Variants in NKAIN3 observed in about 807,000 individuals in gnomAD.
The protein encoded by NKAIN3 is sodium/potassium-transporting ATPase subunit beta-1-interacting protein 3.
A neutral mutation model predicts 30.2 loss-of-function variants in NKAIN3; 25 were observed. That is an observed-to-expected ratio of 0.83 (90% CI 0.60 to 1.16). The LOEUF is 1.16. Ranked by LOEUF, NKAIN3 falls within the 50% of genes most tolerant of loss-of-function variation. NKAIN3 has a pLI of 0.00. For missense variants in NKAIN3, 225 were observed against 254.1 expected (o/e 0.89, Z 0.78); for synonymous variants, 91 against 89.6 (o/e 1.02, Z -0.09).
rs1408449793 is a variant in NKAIN3 at position 62,590,094 on chromosome 8, C to T, written c.273+300C>T. On this transcript the variant is annotated intron_variant, in intron 3 of 6. Transcript: ENST00000623646. ...ATGTCCATTTTAAAAAGACATAATA[C>T]CATAGTGACTGCAGGCCTAAATATT... Among the ~76,000 whole-genome samples, 3 of 151,502 alleles carry T rather than the reference C, an allele frequency of 2.0e-5. No individual in the cohort carries two copies. In the South Asian group the frequency reaches 6.2e-4, roughly 31 times the overall value.
Position 62,579,535 on chromosome 8 carries a change from G to T in NKAIN3, c.55-4G>T, listed in dbSNP as rs1461231514. The T allele has an allele frequency of 1.3e-6, 2 of 1,592,908 alleles. No homozygotes were observed. Among genetic ancestry groups the T allele is most frequent in the Admixed American group, 1.8e-5 (1 of 55,352 alleles). ...TGCTAATGAACTTTCTTTTTTTGTT[G>T]TAGGTCTCAGCATTAGAGAGGCAGA... On this transcript the variant is annotated splice_polypyrimidine_tract_variant and splice_region_variant and intron_variant, in intron 1 of 6. Transcript: ENST00000623646.
chr8:62,980,118 A>C lies in NKAIN3; in HGVS notation c.*14711A>C, dbSNP rs1824041171. ...ACCTTCTTTCTTTACTCTTGGTTTA[A>C]ATGTAATCCCACATGCCCTAGACAA... On this transcript the variant is annotated 3_prime_UTR_variant, in exon 7 of 7. Coordinates refer to ENST00000623646, the MANE Select transcript of NKAIN3 (RefSeq NM_001304533.3). The C allele has an allele frequency of 6.6e-6, 1 of 152,186 alleles. No individual in the cohort carries two copies. The highest frequency in any genetic ancestry group is 2.4e-5 in the African/African-American group (1 of 41,454). The allele number at this position is 152,186 out of a possible 1,614,324, so 9.4% of individuals were successfully genotyped here.
At chr8:62,719,157 T>C (rs1408039886) in intron 3 of NKAIN3, among the ~76,000 whole-genome samples, 1 of 152,164 alleles carries the variant, frequency 6.6e-6, no homozygotes, top group East Asian at 1.9e-4. Context: ...AAACTCTCTT[T>C]ACAAAGCAGG....
At chr8:62,888,935 A>G (rs544250210) in intron 4 of NKAIN3, among the ~76,000 whole-genome samples, 91 of 152,246 alleles carry the variant, frequency 6.0e-4, no homozygotes, top group African/African-American at 2.1e-3. Flanking sequence ...CCTTTTGTTG[A>G]ACTGATTTGA....
intron 5 of NKAIN3, among the ~76,000 whole-genome samples, chr8:62,933,380 G>C (rs943556481): frequency 3.9e-5 from 6 of 152,096 alleles, no homozygotes; most frequent in Admixed American, 1.3e-4. Context: ...TTTGTTACTT[G>C]ATTTAAAGAG....
At chr8:62,570,859 C>T (rs1007338388) in intron 1 of NKAIN3, among the ~76,000 whole-genome samples, 2 of 152,066 alleles carry the variant, frequency 1.3e-5, no homozygotes, top group African/African-American at 4.8e-5. Context: ...CAGGTAGACA[C>T]AATGAAAAAG....
chr8:62,979,836 TG>T lies in NKAIN3; in HGVS notation c.*14430del, dbSNP rs368942147. The T allele has an allele frequency of 5.5e-4, 84 of 152,362 alleles. No individual in the cohort carries two copies. The highest frequency in any genetic ancestry group is 1.9e-3 in the South Asian group (9 of 4,828). 9.4% of individuals were successfully genotyped at this position (152,362 alleles called of 1,614,324 possible). A position where few individuals can be genotyped will look rare whatever the true frequency, so the allele number is the denominator to read the frequency against. On this transcript the variant is annotated 3_prime_UTR_variant, in exon 7 of 7. Transcript: ENST00000623646. ...ATTCAATGCCTTTTTTGCCTGCGTT[TG>T]TTTGGACCCTGCTAATCAAGGCTAC...
chr8:62,472,941 C>T (rs1354576890), intron 1 of NKAIN3, among the ~76,000 whole-genome samples: 4 of 152,104 alleles, frequency 2.6e-5, no homozygotes, highest in Non-Finnish European at 4.4e-5. Flanking sequence ...CCAACACAAA[C>T]TCTTCTGTCT....
In NKAIN3 at chr8:62,826,803, CAG is replaced by C. The variant is rs369472607; in HGVS notation, c.471+79677_471+79678del. Among the ~76,000 whole-genome samples, 386 of 152,290 alleles carry C rather than the reference CAG, an allele frequency of 2.5e-3. 2 individuals carry two copies. The highest frequency in any genetic ancestry group is 9.0e-3 in the African/African-American group (374 of 41,572). ...TCTCCTTGTACTGTAGCTAGGAAAA[CAG>C]AGGAAGTGTAAGAACTTAAACAGCT... On this transcript the variant is annotated intron_variant, in intron 4 of 6. Transcript: ENST00000623646.
intron 3 of NKAIN3, among the ~76,000 whole-genome samples, chr8:62,708,934 G>A (rs1398493616): frequency 2.0e-5 from 3 of 152,090 alleles, no homozygotes; most frequent in Admixed American, 6.5e-5. Context: ...ATCATAAAGG[G>A]ATGCTGGATT....
chr8:62,859,485 T>A (rs577953430), intron 4 of NKAIN3, among the ~76,000 whole-genome samples: 5 of 44,320 alleles, frequency 1.1e-4, no homozygotes, highest in Non-Finnish European at 3.1e-4. Context: ...CCCAGATAAC[T>A]TTTTCTATAC....
chr8:62,332,094 A>G (rs1238829272), intron 1 of NKAIN3, among the ~76,000 whole-genome samples: 2 of 152,138 alleles, frequency 1.3e-5, no homozygotes, highest in African/African-American at 2.4e-5. Context: ...TGAAACTTCA[A>G]TAGAGCCTCA....
intron 3 of NKAIN3, among the ~76,000 whole-genome samples, chr8:62,615,372 C>T (rs530819176): frequency 6.6e-6 from 1 of 152,072 alleles, no homozygotes; most frequent in East Asian, 1.9e-4. Context: ...CTGAATCTTG[C>T]CCCTCCTCTC....
chr8:62,919,227 A>ATTTT (rs71255371), intron 5 of NKAIN3, among the ~76,000 whole-genome samples: 5,222 of 47,330 alleles, frequency 0.11, 962 homozygotes, highest in Middle Eastern at 0.14. Flanking sequence ...TACTTTCAAA[A>ATTTT]TTTTTTTTTT....
intron 3 of NKAIN3, among the ~76,000 whole-genome samples, chr8:62,639,177 G>A (rs1812228520): frequency 6.6e-6 from 1 of 152,134 alleles, no homozygotes; most frequent in Admixed American, 6.5e-5. Context: ...CAATGTTTGA[G>A]CCCTGGGAAC....
chr8:62,929,721 TG>T (rs1822561244), intron 5 of NKAIN3, among the ~76,000 whole-genome samples: 1 of 152,230 alleles, frequency 6.6e-6, no homozygotes, highest in Non-Finnish European at 1.5e-5. Context: ...TGTGGTTTTT[TG>T]TTTTTTTAAG....
At chr8:62,745,114 TC>T (rs758023008) in intron 3 of NKAIN3, among the ~76,000 whole-genome samples, 13 of 152,214 alleles carry the variant, frequency 8.5e-5, no homozygotes, top group Non-Finnish European at 1.9e-4. Context: ...CTGATTACTT[TC>T]AGTGCCACCC....
chr8:62,816,825 T>C (rs1818699513), intron 4 of NKAIN3, among the ~76,000 whole-genome samples: 1 of 152,152 alleles, frequency 6.6e-6, no homozygotes, highest in Non-Finnish European at 1.5e-5. Flanking sequence ...GGCACCATGC[T>C]GTAGCAACTG....
chr8:62,879,893 CTTCA>C (rs1820922448), intron 4 of NKAIN3, among the ~76,000 whole-genome samples: 1 of 152,166 alleles, frequency 6.6e-6, no homozygotes, highest in East Asian at 1.9e-4. Context: ...TTGTGCATGT[CTTCA>C]TTCATACCTT....
Sources: gnomAD v4.1 joint callset for allele counts (sites outside exome capture counted in the v4.1 genomes callset) on GRCh38, gnomAD v4.1.1 for gene constraint, MANE v1.5 for transcripts, NCBI Gene and HGNC (gene_info 2026-07-23, HGNC 2026-07-21) for gene names.